CPPED1: variants seen among roughly 807,000 people sequenced by gnomAD.
CPPED1 encodes the protein serine/threonine-protein phosphatase CPPED1.
CPPED1 carries 28 observed loss-of-function variants against 28.0 expected under a neutral mutation model. That is an observed-to-expected ratio of 1.00 (90% CI 0.74 to 1.37). The LOEUF (loss-of-function observed/expected upper bound fraction) is 1.37. Among genes scored for constraint, CPPED1 ranks in the 40% most tolerant of loss-of-function variants. The pLI is 0.00. For missense variants in CPPED1, 504 were observed against 416.5 expected (o/e 1.21, Z -1.83); for synonymous variants, 198 against 180.2 (o/e 1.10, Z -0.79).
At chr16:12,687,695 G>T (rs927617432) in intron 3 of CPPED1, among the ~76,000 whole-genome samples, 1 of 152,068 alleles carries the variant, frequency 6.6e-6, no homozygotes, top group African/African-American at 2.4e-5. Context: ...GCAAGAAAAT[G>T]GTTATTCCAC....
At position 12,704,765 on chromosome 16, in the gene CPPED1, C is replaced by A; in HGVS notation, c.574G>T (p.Ala192Ser). 6.2e-7 allele frequency: 1 copy of A among 1,614,214 alleles called. No individual in the cohort carries two copies. The highest frequency in any genetic ancestry group is 2.2e-5 in the East Asian group (1 of 44,888). ...DQWLDEQLSI[A>S]RQRHCQHAIV... ...GCATGCTGGCAGTGCCGCTGCCTCG[C>A]GATGCTCAGCTGCTCGTCCAGCCAC... is the stretch of plus-strand genomic sequence containing the variant. The change falls in exon 3 of 4, where the codon GCG becomes TCG. Residue 192 changes from alanine to serine, a missense_variant. Ala to Ser is a moderately conservative substitution (Grantham distance 99). Coordinates refer to ENST00000381774, the MANE Select transcript of CPPED1 (RefSeq NM_018340.3).
intron 2 of CPPED1, among the ~76,000 whole-genome samples, chr16:12,719,406 A>G (rs1475224072): frequency 1.3e-5 from 2 of 151,568 alleles, no homozygotes; most frequent in Non-Finnish European, 2.9e-5. Flanking sequence ...AAAAAAAAAA[A>G]GAACAGTATG....
At chr16:12,781,478 A>T in intron 1 of CPPED1, 75 bp from the exon 2 acceptor site, 1 of 1,305,280 alleles carries the variant, frequency 7.7e-7, no homozygotes, top group Non-Finnish European at 1.1e-6. Flanking sequence ...CTTCCCATGC[A>T]AAGTGGATAC....
Position 12,733,682 on chromosome 16 carries a change from T to C in CPPED1, c.290-28633A>G, listed in dbSNP as rs2080211249. ...CTCATTCTCCAGGACACAAATTCAA[T>C]ACATAACAGTAAGTAAGATCTAGAA... On this transcript the variant is annotated intron_variant, in intron 2 of 3. Coordinates refer to ENST00000381774, the MANE Select transcript of CPPED1 (RefSeq NM_018340.3). Among the ~76,000 whole-genome samples the C allele has an allele frequency of 2.0e-5, 3 of 152,154 alleles. No homozygotes were observed. In the South Asian group the frequency reaches 6.2e-4, roughly 32 times the overall value.
At chr16:12,701,814 T>A (rs750963466) in intron 3 of CPPED1, among the ~76,000 whole-genome samples, 1 of 151,736 alleles carries the variant, frequency 6.6e-6, no homozygotes, top group African/African-American at 2.4e-5. Flanking sequence ...ACGAAGGAGG[T>A]AGAATTAAAG....
intron 3 of CPPED1, among the ~76,000 whole-genome samples, chr16:12,700,464 C>T (rs1299168910): frequency 6.6e-6 from 1 of 152,232 alleles, no homozygotes; most frequent in Non-Finnish European, 1.5e-5. Context: ...GATCTCGGCT[C>T]ATTGCAATCT....
intron 2 of CPPED1, chr16:12,761,139 T>C (rs2080407063): frequency 6.6e-6 from 1 of 151,918 alleles, no homozygotes; most frequent in Non-Finnish European, 1.5e-5. Context: ...CCAAGCTGCG[T>C]GGTGGCAGGC....
intron 2 of CPPED1, among the ~76,000 whole-genome samples, chr16:12,720,888 C>T (rs1198333909): frequency 1.3e-5 from 2 of 152,168 alleles, no homozygotes; most frequent in African/African-American, 4.8e-5. Context: ...ATTCATTTAT[C>T]CCTCAGTTAA....
At chr16:12,729,574 G>A (rs2080186998) in intron 2 of CPPED1, among the ~76,000 whole-genome samples, 1 of 152,178 alleles carries the variant, frequency 6.6e-6, no homozygotes, top group Non-Finnish European at 1.5e-5. Flanking sequence ...GAGTACTGGT[G>A]AGAGGCGGAG....
At chr16:12,766,018 AAAG>A (rs1452859587) in intron 2 of CPPED1, among the ~76,000 whole-genome samples, 17 of 152,214 alleles carry the variant, frequency 1.1e-4, no homozygotes, top group African/African-American at 3.9e-4. Context: ...AAACAATGAA[AAAG>A]AAGATGTAAA....
intron 1 of CPPED1, among the ~76,000 whole-genome samples, chr16:12,797,718 T>C (rs193006474): frequency 9.4e-5 from 14 of 149,558 alleles, no homozygotes; most frequent in Non-Finnish European, 1.6e-4. Flanking sequence ...GAAAAAAAAA[T>C]GGCAAAAAAT....
chr16:12,753,054 C>T (rs1187300974), intron 2 of CPPED1: 1 of 151,926 alleles, frequency 6.6e-6, no homozygotes, highest in African/African-American at 2.4e-5. Flanking sequence ...ATGTCTGAAC[C>T]TTCATAAATT....
chr16:12,786,189 C>T (rs1246307548), intron 1 of CPPED1, among the ~76,000 whole-genome samples: 2 of 152,194 alleles, frequency 1.3e-5, no homozygotes, highest in African/African-American at 2.4e-5. Context: ...GTGACATCAG[C>T]GTCGCCTGGG....
At chr16:12,760,264 G>T (rs868022751) in intron 2 of CPPED1, 2 of 152,196 alleles carry the variant, frequency 1.3e-5, no homozygotes, top group African/African-American at 4.8e-5. Flanking sequence ...TTATATCAGG[G>T]ACCTGAGGAC....
chr16:12,779,420 G>A (rs1055050209), intron 2 of CPPED1, among the ~76,000 whole-genome samples: 7 of 150,230 alleles, frequency 4.7e-5, no homozygotes, highest in African/African-American at 7.3e-5. Context: ...TAAGCTTCCC[G>A]CTCTATCACC....
Position 12,796,615 on chromosome 16 carries a change from AC to A in CPPED1, c.70+7091del, listed in dbSNP as rs765898076. ...GATATGGAGAAACTGGAACCCATAT[AC>A]ACTGCTGGTGGGAATGTAAAATGGC... On this transcript the variant is annotated intron_variant, in intron 1 of 3. Transcript: ENST00000381774. Among the ~76,000 whole-genome samples the A allele has an allele frequency of 3.3e-5, 5 of 152,346 alleles. No homozygotes were observed. The Middle Eastern group carries it at 0.01, about 311-fold the overall frequency.
intron 2 of CPPED1, among the ~76,000 whole-genome samples, chr16:12,723,068 G>C (rs533735026): frequency 3.3e-4 from 51 of 152,278 alleles, no homozygotes; most frequent in African/African-American, 1.2e-3. Flanking sequence ...GAGAACAGGA[G>C]GGTCGGCAAC....
chr16:12,759,456 C>T (rs1015144246), intron 2 of CPPED1: 3 of 152,264 alleles, frequency 2.0e-5, no homozygotes, highest in African/African-American at 7.2e-5. Flanking sequence ...TGCCTGTGTC[C>T]TAACTGCAAA....
chr16:12,665,073 C>A lies in CPPED1; in HGVS notation c.758G>T (p.Gly253Val), dbSNP rs763025370. Residue 253 changes from glycine to valine, a missense_variant, in exon 4 of 4, where the codon GGG becomes GTG. Coordinates refer to ENST00000381774, the MANE Select transcript of CPPED1 (RefSeq NM_018340.3). ...CATGTCGAGGTTCTGGTAGGTACCCCCGGCATTCCTGTGGTAGTGGCCTGA... is the reference window on the plus strand; with the variant it reads ...CATGTCGAGGTTCTGGTAGGTACCCACGGCATTCCTGTGGTAGTGGCCTGA... The part of the protein sequence containing the change: ...VFSGHYHRNA[G>V]GTYQNLDMVV... 3 of 1,606,546 alleles carry A rather than the reference C, an allele frequency of 1.9e-6. No individual in the cohort carries two copies. Among genetic ancestry groups the A allele is most frequent in the Non-Finnish European group, 2.5e-6 (3 of 1,177,784 alleles).
Sources: gnomAD v4.1 joint callset for allele counts (sites outside exome capture counted in the v4.1 genomes callset) on GRCh38, gnomAD v4.1.1 for gene constraint, MANE v1.5 for transcripts, NCBI Gene and HGNC (gene_info 2026-07-23, HGNC 2026-07-21) for gene names.